TOMM20: variants seen among roughly 807,000 people sequenced by gnomAD.
TOMM20 encodes mitochondrial import receptor subunit TOM20 homolog.
Under a neutral mutation model 22.1 loss-of-function variants are expected in TOMM20, and 10 were observed. That is an observed-to-expected ratio of 0.45 (90% CI 0.28 to 0.77). The LOEUF (loss-of-function observed/expected upper bound fraction) is 0.77. Among genes scored for constraint, TOMM20 ranks in the 30% least tolerant of loss-of-function variants. The pLI is 0.13. For missense variants in TOMM20, 121 were observed against 172.2 expected (o/e 0.70, Z 1.66); for synonymous variants, 55 against 61.4 (o/e 0.90, Z 0.49).
At chr1:235,114,737 T>G (rs1392877227) in intron 3 of TOMM20, among the ~76,000 whole-genome samples, 1 of 152,052 alleles carries the variant, frequency 6.6e-6, no homozygotes, top group Non-Finnish European at 1.5e-5. Context: ...ACGCCCAGCC[T>G]ATTTTATCTA....
chr1:235,110,875 T>G lies in TOMM20; in HGVS notation c.*1189A>C, dbSNP rs1660728880. The G allele has an allele frequency of 6.6e-6, 1 of 152,208 alleles. No individual in the cohort carries two copies. Among genetic ancestry groups the G allele is most frequent in the Non-Finnish European group, 1.5e-5 (1 of 68,034 alleles). The allele number at this position is 152,208 out of a possible 1,614,324, so 9.4% of individuals were successfully genotyped here. On this transcript the variant is annotated 3_prime_UTR_variant, in exon 5 of 5. Transcript: ENST00000366607. ...GGATCCTTACTCAGTTCTGAAACTG[T>G]GACTACGGAGAATATGTCACTATTT...
chr1:235,114,489 T>G (rs1307200212), intron 3 of TOMM20, among the ~76,000 whole-genome samples: 1 of 147,946 alleles, frequency 6.8e-6, no homozygotes, highest in Non-Finnish European at 1.5e-5. Context: ...CAGGCTGGAG[T>G]GCAGTGGCAC....
At chr1:235,125,375 C>T (rs546643521) in intron 1 of TOMM20, among the ~76,000 whole-genome samples, 43 of 152,240 alleles carry the variant, frequency 2.8e-4, no homozygotes, top group African/African-American at 8.4e-4. Flanking sequence ...CCACCATGCC[C>T]GGCTAAGTTT....
chr1:235,127,267 C>G (rs932356939), intron 1 of TOMM20, among the ~76,000 whole-genome samples: 2 of 152,212 alleles, frequency 1.3e-5, no homozygotes, highest in African/African-American at 4.8e-5. Flanking sequence ...TCAACCTTCA[C>G]AAGATCAACA....
intron 3 of TOMM20, among the ~76,000 whole-genome samples, chr1:235,118,472 T>C (rs1473553056): frequency 6.6e-6 from 1 of 152,228 alleles, no homozygotes; most frequent in Non-Finnish European, 1.5e-5. Flanking sequence ...TGTAGGAGAC[T>C]TGGAAATGTT....
intron 4 of TOMM20, 35 bp from the exon 5 acceptor site, chr1:235,112,143 A>AT (rs779379370): frequency 4.7e-6 from 7 of 1,505,114 alleles, no homozygotes; most frequent in Non-Finnish European, 6.3e-6. Flanking sequence ...TTAAAGTGTC[A>AT]TAAGCATTTA....
Position 235,119,909 on chromosome 1 carries a change from A to C in TOMM20, c.169-10T>G, listed in dbSNP as rs747838354. ...CTTTAAGGTCAGGTAACTGGAAATAAAATATTTAATAAATGACACCACAAT... is the reference window on the plus strand; with the variant it reads ...CTTTAAGGTCAGGTAACTGGAAATACAATATTTAATAAATGACACCACAAT... On this transcript the variant is annotated splice_polypyrimidine_tract_variant and intron_variant, in intron 2 of 4. Transcript: ENST00000366607. 6.3e-7 allele frequency: 1 copy of C among 1,591,214 alleles called. No homozygotes were observed. The highest frequency in any genetic ancestry group is 8.6e-7 in the Non-Finnish European group (1 of 1,161,250).
At position 235,117,337 on chromosome 1, in the gene TOMM20, A is replaced by G. The variant is rs549443523; in HGVS notation, c.250+2481T>C. Among the ~76,000 whole-genome samples the G allele has an allele frequency of 2.6e-5, 4 of 151,342 alleles. No homozygotes were observed. In the East Asian group the frequency reaches 7.8e-4, roughly 30 times the overall value. On this transcript the variant is annotated intron_variant, in intron 3 of 4. Coordinates refer to ENST00000366607, the MANE Select transcript of TOMM20 (RefSeq NM_014765.3). ...GCCGGGCTTGGTGGTGCATGCCTAT[A>G]ATCCCAGCTACTCATGAGGCTGAGG...
chr1:235,121,881 TTGTCAGGGCAGTGGGATTC>T (rs1024623271), intron 2 of TOMM20, among the ~76,000 whole-genome samples: 22 of 152,208 alleles, frequency 1.4e-4, no homozygotes. Flanking sequence ...AGGCAAAAAT[TTGTCAGGGCAGTGGGATTC>T]TGGATCAGTG....
At chr1:235,117,007 C>T (rs371213096) in intron 3 of TOMM20, among the ~76,000 whole-genome samples, 24 of 150,122 alleles carry the variant, frequency 1.6e-4, no homozygotes, top group East Asian at 7.9e-4. Context: ...TGGTGGTGGG[C>T]GCCTGTAGTC....
intron 1 of TOMM20, among the ~76,000 whole-genome samples, chr1:235,125,781 C>T (rs1211084759): frequency 2.6e-5 from 4 of 151,422 alleles, no homozygotes; most frequent in African/African-American, 7.3e-5. Context: ...GCTCTGTCCC[C>T]GCTCTGTCCC....
intron 1 of TOMM20, 23 bp downstream of exon 1, chr1:235,128,572 C>A: frequency 6.2e-7 from 1 of 1,611,778 alleles, no homozygotes; most frequent in Non-Finnish European, 8.5e-7. Context: ...CAAGCCTGGC[C>A]AGGGGAGAGA....
chr1:235,115,451 A>T (rs1660812995), intron 3 of TOMM20, among the ~76,000 whole-genome samples: 1 of 151,842 alleles, frequency 6.6e-6, no homozygotes, highest in Admixed American at 6.6e-5. Context: ...ACATGGTGAA[A>T]CCCTACTGCT....
intron 1 of TOMM20, among the ~76,000 whole-genome samples, chr1:235,125,409 G>A (rs571528666): frequency 5.5e-4 from 83 of 152,054 alleles, no homozygotes; most frequent in Non-Finnish European, 1.0e-3. Context: ...TAAAGACGGG[G>A]TTTCACCATG....
chr1:235,122,909 C>A (rs977233467), intron 1 of TOMM20, among the ~76,000 whole-genome samples: 2 of 152,154 alleles, frequency 1.3e-5, no homozygotes, highest in Non-Finnish European at 2.9e-5. Flanking sequence ...AGGCCTGGAA[C>A]CAGTCACTCA....
chr1:235,116,263 G>T (rs977630307), intron 3 of TOMM20, among the ~76,000 whole-genome samples: 4 of 152,074 alleles, frequency 2.6e-5, no homozygotes, highest in Admixed American at 1.3e-4. Context: ...AATTAGGCCG[G>T]GGTGTGGTGG....
chr1:235,112,119 A>T lies in TOMM20; in HGVS notation c.394-11T>A, dbSNP rs758278460. On this transcript the variant is annotated splice_polypyrimidine_tract_variant and intron_variant, in intron 4 of 4. Coordinates refer to ENST00000366607, the MANE Select transcript of TOMM20 (RefSeq NM_014765.3). Reference sequence around the variant, plus strand: ...AGCACTTACAATTCTCTGAAAGAAAAAAAAAATAATTTTTTAAAGTGTCAT... The same window carrying T: ...AGCACTTACAATTCTCTGAAAGAAATAAAAAATAATTTTTTAAAGTGTCAT... 2 of 1,597,326 alleles carry T rather than the reference A, an allele frequency of 1.3e-6. No individual in the cohort carries two copies. Among genetic ancestry groups the T allele is most frequent in the Non-Finnish European group, 1.7e-6 (2 of 1,173,022 alleles).
chr1:235,122,760 T>C (rs1455821721), intron 1 of TOMM20, among the ~76,000 whole-genome samples: 1 of 152,230 alleles, frequency 6.6e-6, no homozygotes. Context: ...TGCCAGATTA[T>C]ATCTTTACTG....
In TOMM20 at chr1:235,110,040, G is replaced by C. The variant is rs1660714024; in HGVS notation, c.*2024C>G. 1 of 152,176 alleles carries C rather than the reference G, an allele frequency of 6.6e-6. No homozygotes were observed. Among genetic ancestry groups the C allele is most frequent in the African/African-American group, 2.4e-5 (1 of 41,420 alleles). 9.4% of individuals were successfully genotyped at this position (152,176 alleles called of 1,614,324 possible). ...AACTCGACACAGCTAGCTTTAAAAA[G>C]TGGTACCTCATTTTAAAGCACCAAA... On this transcript the variant is annotated 3_prime_UTR_variant, in exon 5 of 5. Transcript: ENST00000366607.
Sources: gnomAD v4.1 joint callset for allele counts (sites outside exome capture counted in the v4.1 genomes callset) on GRCh38, gnomAD v4.1.1 for gene constraint, MANE v1.5 for transcripts, NCBI Gene and HGNC (gene_info 2026-07-23, HGNC 2026-07-21) for gene names.